The following IFT80 variants were observed in gnomAD, a reference collection of about 807,000 sequenced individuals.
The protein encoded by IFT80 is intraflagellar transport protein 80 homolog.
In IFT80, 79 loss-of-function variants were observed where a neutral mutation model predicts 107.9. The observed-to-expected ratio is 0.73, with a 90% confidence interval of 0.61 to 0.88. The LOEUF is 0.88. Among genes scored for constraint, IFT80 ranks in the 40% least tolerant of loss-of-function variants. The probability of loss-of-function intolerance (pLI) is 0.00; values close to 1 mark genes in which losing one functional copy is unlikely to be tolerated. For synonymous variants in IFT80, 299 were observed against 300.9 expected, an observed-to-expected ratio of 0.99 and a Z score of 0.07; for missense variants, 797 against 914.2, an observed-to-expected ratio of 0.87 and a Z score of 1.65.
chr3:160,349,428 A>C (rs1266003247), intron 8 of IFT80, among the ~76,000 whole-genome samples: 2 of 151,958 alleles, frequency 1.3e-5, no homozygotes, highest in Non-Finnish European at 2.9e-5. Flanking sequence ...CAGCCTGGGT[A>C]ACAGAGCTAG....
intron 19 of IFT80, 132 bp from the exon 20 acceptor site, chr3:160,258,767 G>A (rs761835513): frequency 1.2e-5 from 14 of 1,211,368 alleles, no homozygotes; most frequent in Non-Finnish European, 1.5e-5. Context: ...AGCATCAAAA[G>A]ATTAGAGAAA....
At chr3:160,263,676 T>G (rs1713046149) in intron 19 of IFT80, among the ~76,000 whole-genome samples, 1 of 152,158 alleles carries the variant, frequency 6.6e-6, no homozygotes, top group Non-Finnish European at 1.5e-5. Flanking sequence ...ATTTCTTTAT[T>G]TTTATTTTAT....
intron 16 of IFT80, 111 bp from the exon 17 acceptor site, chr3:160,277,781 A>G: frequency 1.3e-6 from 1 of 754,502 alleles, no homozygotes; most frequent in South Asian, 1.6e-5. Context: ...AAAAATAAAA[A>G]TTACTGAGCA....
intron 8 of IFT80, among the ~76,000 whole-genome samples, chr3:160,341,420 T>C (rs560732319): frequency 5.1e-4 from 77 of 151,856 alleles, no homozygotes; most frequent in African/African-American, 1.8e-3. Flanking sequence ...ACTTGGCATG[T>C]GGTACTGGAT....
In IFT80 at chr3:160,307,710, G is replaced by A; in HGVS notation, c.1029C>T (p.Asn343=). 1 of 1,604,594 alleles carries A rather than the reference G, an allele frequency of 6.2e-7. No individual in the cohort carries two copies. The highest frequency in any genetic ancestry group is 8.5e-7 in the Non-Finnish European group (1 of 1,171,456). Residue 343 remains asparagine, a synonymous_variant, in exon 10 of 20, where the codon AAC becomes AAT. Transcript: ENST00000326448. The part of the protein sequence containing the change: ...FRDRVIKASL[N]YAHLVVSTSL... ...ACGTTGAAACAACTAAGTGTGCATA[G>A]TTCAAAGATGCTTTAATGACTCTAT...
intron 18 of IFT80, among the ~76,000 whole-genome samples, chr3:160,276,131 G>C (rs903512256): frequency 6.6e-6 from 1 of 152,018 alleles, no homozygotes; most frequent in Non-Finnish European, 1.5e-5. Context: ...GCCTCCCGAA[G>C]TGTTGGGATT....
chr3:160,277,535 G>A (rs373292863), intron 17 of IFT80, 46 bp downstream of exon 17: 80 of 1,575,066 alleles, frequency 5.1e-5, no homozygotes, highest in Non-Finnish European at 6.4e-5. Flanking sequence ...AATAAATTAC[G>A]CTAAGAAAAA....
At chr3:160,321,587 A>C (rs1718223100) in intron 8 of IFT80, among the ~76,000 whole-genome samples, 1 of 152,000 alleles carries the variant, frequency 6.6e-6, no homozygotes, top group African/African-American at 2.4e-5. Context: ...CTATATATAC[A>C]TACCTATGTT....
At position 160,257,370 on chromosome 3, in the gene IFT80, C is replaced by T. The variant is rs184520229; in HGVS notation, c.*1155G>A. 4.6e-5 allele frequency: 7 copies of T among 152,088 alleles called. No homozygotes were observed. The East Asian group carries it at 1.4e-3, about 29-fold the overall frequency. The allele number at this position is 152,088 out of a possible 1,614,324, so 9.4% of individuals were successfully genotyped here. The stretch of plus-strand genomic sequence containing the variant: ...TACCCACCCTATAATGTACCATTTT[C>T]AGAAATGGGTTTGCAGAAGACTTTC... On this transcript the variant is annotated 3_prime_UTR_variant, in exon 20 of 20. Coordinates refer to ENST00000326448, the MANE Select transcript of IFT80 (RefSeq NM_020800.3).
intron 19 of IFT80, among the ~76,000 whole-genome samples, chr3:160,266,107 GA>G (rs2108205635): frequency 1.3e-5 from 2 of 151,720 alleles, no homozygotes; most frequent in East Asian, 3.9e-4. Flanking sequence ...AGAAAAGTAG[GA>G]AACGAGAACA....
intron 12 of IFT80, among the ~76,000 whole-genome samples, chr3:160,300,335 C>T (rs113276363): frequency 0.016 from 2,371 of 152,202 alleles, 65 homozygotes; most frequent in African/African-American, 0.053. Flanking sequence ...CCTAATAAAA[C>T]GGTTTCATTG....
intron 12 of IFT80, among the ~76,000 whole-genome samples, chr3:160,295,479 C>T (rs1307864404): frequency 1.3e-5 from 2 of 152,024 alleles, no homozygotes; most frequent in Non-Finnish European, 2.9e-5. Flanking sequence ...GAGGTGCCTG[C>T]CTGCCTGTAG....
At chr3:160,288,073 A>G (rs1715233759) in intron 12 of IFT80, among the ~76,000 whole-genome samples, 1 of 152,226 alleles carries the variant, frequency 6.6e-6, no homozygotes, top group Non-Finnish European at 1.5e-5. Flanking sequence ...GTCTGGGCGC[A>G]GTGGCTCACG....
rs139693068 is a variant in IFT80, at chr3:160,273,250, AT to A, written c.2099+4055del. Among the ~76,000 whole-genome samples the A allele has an allele frequency of 3.3e-3, 496 of 152,332 alleles. 1 individual carries two copies. The highest frequency in any genetic ancestry group is 0.011 in the African/African-American group (464 of 41,580). On this transcript the variant is annotated intron_variant, in intron 18 of 19. Coordinates refer to ENST00000326448, the MANE Select transcript of IFT80 (RefSeq NM_020800.3). ...CCTTTCTTATCCAATCTTGATATTT[AT>A]GCTAAAAGCAATGGGAAACTATGAA... is the stretch of plus-strand genomic sequence containing the variant.
intron 1 of IFT80, among the ~76,000 whole-genome samples, chr3:160,386,414 G>C (rs1274914568): frequency 3.3e-5 from 5 of 152,220 alleles, no homozygotes; most frequent in African/African-American, 1.2e-4. Context: ...TGACTAACCA[G>C]TGGTATTGGG....
At chr3:160,293,034 AT>A (rs2108254930) in intron 12 of IFT80, among the ~76,000 whole-genome samples, 1 of 152,364 alleles carries the variant, frequency 6.6e-6, no homozygotes, top group South Asian at 2.1e-4. Flanking sequence ...GGTAGCGGAA[AT>A]AGCCTGTTTG....
At chr3:160,345,085 G>C (rs1004470122) in intron 8 of IFT80, among the ~76,000 whole-genome samples, 3 of 152,134 alleles carry the variant, frequency 2.0e-5, no homozygotes, top group Non-Finnish European at 4.4e-5. Context: ...CAATCCCACT[G>C]CTAGGTATAC....
chr3:160,352,644 T>C (rs1400552497), intron 8 of IFT80, among the ~76,000 whole-genome samples: 3 of 152,220 alleles, frequency 2.0e-5, no homozygotes, highest in Non-Finnish European at 4.4e-5. Context: ...CCCAAGAATG[T>C]GTATTTTTGC....
intron 18 of IFT80, among the ~76,000 whole-genome samples, chr3:160,272,253 G>T (rs529510886): frequency 3.6e-4 from 55 of 152,246 alleles, no homozygotes; most frequent in African/African-American, 1.3e-3. Flanking sequence ...AAACACTTAT[G>T]AGTGAAACAG....
Sources: gnomAD v4.1 joint callset for allele counts (sites outside exome capture counted in the v4.1 genomes callset) on GRCh38, gnomAD v4.1.1 for gene constraint, MANE v1.5 for transcripts, NCBI Gene and HGNC (gene_info 2026-07-23, HGNC 2026-07-21) for gene names.